Variants in CACNA1E observed in about 807,000 individuals in gnomAD.
CACNA1E encodes the protein voltage-dependent R-type calcium channel subunit alpha-1E.
CACNA1E carries 40 observed loss-of-function variants against 259.2 expected under a neutral mutation model. The ratio of observed to expected loss-of-function variants is 0.15; its 90% confidence interval spans 0.12 to 0.20. CACNA1E has a LOEUF of 0.20. CACNA1E is among the 10% of genes least tolerant of loss of function. CACNA1E has a pLI of 1.00. For missense variants in CACNA1E, 1,874 were observed against 3,040.1 expected, an observed-to-expected ratio of 0.62 and a Z score of 9.02; for synonymous variants, 1,104 against 1,138.5, an observed-to-expected ratio of 0.97 and a Z score of 0.61.
intron 43 of CACNA1E, among the ~76,000 whole-genome samples, chr1:181,789,951 G>A (rs138484198): frequency 1.3e-5 from 2 of 152,308 alleles, no homozygotes; most frequent in East Asian, 3.9e-4. Context: ...GTACAAAGTA[G>A]TCCTTCAATA....
At chr1:181,559,731 G>C (rs1649118433) in intron 3 of CACNA1E, among the ~76,000 whole-genome samples, 1 of 152,190 alleles carries the variant, frequency 6.6e-6, no homozygotes, top group Non-Finnish European at 1.5e-5. Context: ...CAGCAGGCTG[G>C]GTAGGTAGAG....
At chr1:181,460,552 G>T (rs1438352079) in intron 2 of CACNA1E, among the ~76,000 whole-genome samples, 2 of 152,182 alleles carry the variant, frequency 1.3e-5, no homozygotes, top group African/African-American at 2.4e-5. Context: ...AACATAGAGA[G>T]ACTTCAGCTG....
At chr1:181,323,325 G>T (rs565288611) in intron 1 of CACNA1E, among the ~76,000 whole-genome samples, 1 of 152,080 alleles carries the variant, frequency 6.6e-6, no homozygotes, top group East Asian at 1.9e-4. Flanking sequence ...ATTCTCTGAC[G>T]CTGGCATAGT....
chr1:181,341,806 A>T (rs1652175259), intron 1 of CACNA1E, among the ~76,000 whole-genome samples: 2 of 152,212 alleles, frequency 1.3e-5, no homozygotes, highest in Non-Finnish European at 2.9e-5. Flanking sequence ...TTTTCCTGGG[A>T]ATTCATTTAT....
At chr1:181,463,897 A>G (rs1464642950) in intron 2 of CACNA1E, among the ~76,000 whole-genome samples, 1 of 152,128 alleles carries the variant, frequency 6.6e-6, no homozygotes, top group African/African-American at 2.4e-5. Context: ...AAAAGAAGTC[A>G]TTTATATTTT....
At chr1:181,727,468 C>T (rs961097537) in intron 18 of CACNA1E, among the ~76,000 whole-genome samples, 6 of 152,220 alleles carry the variant, frequency 3.9e-5, no homozygotes, top group African/African-American at 1.4e-4. Context: ...CTTACAAGAG[C>T]CATTTTCGTG....
intron 6 of CACNA1E, among the ~76,000 whole-genome samples, chr1:181,593,409 T>C (rs1421631083): frequency 4.6e-5 from 7 of 152,228 alleles, no homozygotes; most frequent in Non-Finnish European, 1.0e-4. Flanking sequence ...TATTTATATT[T>C]TGTACATATT....
chr1:181,505,062 TTCC>T (rs1257335657), intron 1 of CACNA1E, among the ~76,000 whole-genome samples: 1 of 152,102 alleles, frequency 6.6e-6, no homozygotes, highest in African/African-American at 2.4e-5. Flanking sequence ...TCATGGTCAT[TTCC>T]TCATTTTGGC....
intron 2 of CACNA1E, among the ~76,000 whole-genome samples, chr1:181,449,797 T>C (rs867322548): frequency 6.6e-6 from 1 of 152,196 alleles, no homozygotes; most frequent in Admixed American, 6.5e-5. Flanking sequence ...ATTTTGGATA[T>C]TCAAAGACAA....
intron 18 of CACNA1E, among the ~76,000 whole-genome samples, chr1:181,730,567 C>T (rs1294302299): frequency 6.6e-6 from 1 of 152,248 alleles, no homozygotes; most frequent in Non-Finnish European, 1.5e-5. Flanking sequence ...CTCTGCGTTG[C>T]TCAAAGGCAG....
At chr1:181,396,151 A>T (rs1656668071) in intron 1 of CACNA1E, among the ~76,000 whole-genome samples, 1 of 152,210 alleles carries the variant, frequency 6.6e-6, no homozygotes, top group Admixed American at 6.5e-5. Context: ...TGGCCTCATG[A>T]CATAGCATCT....
intron 3 of CACNA1E, among the ~76,000 whole-genome samples, chr1:181,542,792 T>C (rs1387874474): frequency 6.6e-6 from 1 of 151,594 alleles, no homozygotes; most frequent in Non-Finnish European, 1.5e-5. Flanking sequence ...TTTTAATTTC[T>C]TGATTTATGG....
chr1:181,659,066 G>A (rs1049443085), intron 7 of CACNA1E, among the ~76,000 whole-genome samples: 15 of 152,018 alleles, frequency 9.9e-5, no homozygotes, highest in African/African-American at 3.6e-4. Flanking sequence ...GAAACCTAGG[G>A]AGCAGGTTTC....
chr1:181,683,367 T>C (rs1326963183), intron 7 of CACNA1E, among the ~76,000 whole-genome samples: 3 of 152,226 alleles, frequency 2.0e-5, no homozygotes, highest in African/African-American at 7.2e-5. Context: ...TTTTTCAGTC[T>C]CCTGCAGCAT....
intron 1 of CACNA1E, among the ~76,000 whole-genome samples, chr1:181,374,462 GA>G (rs5779098): frequency 0.39 from 58,173 of 149,382 alleles, 11,410 homozygotes; most frequent in Admixed American, 0.46. Flanking sequence ...TATCCCAAAA[GA>G]AAAAAAAAAT....
Position 181,579,073 on chromosome 1 carries a change from C to A in CACNA1E, c.618C>A (p.Ser206Arg). The A allele has an allele frequency of 6.2e-7, 1 of 1,606,844 alleles. No individual in the cohort carries two copies. The highest frequency in any genetic ancestry group is 2.2e-5 in the East Asian group (1 of 44,814). Residue 206 changes from serine (S) to arginine (R), a missense_variant and splice_region_variant, in exon 5 of 48, where the codon AGC (serine) becomes AGA (arginine). Physicochemically the swap from Ser to Arg is moderately radical, Grantham distance 110 (BLOSUM62 -1). This residue lies in a region of CACNA1E where 55 missense variants were observed against 156.5 expected (regional missense o/e 0.35). Transcript: ENST00000367573. ...GTCATTCTCTGTCCTTCCTTCTAGG[C>A]CTGCAGATTGTGTTGAAGTCCATCA... ...RPLKLVSGIP[S>R]LQIVLKSIMK...
At position 181,806,791 on chromosome 1, in the gene CACNA1E, G is replaced by A. The variant is rs889699233; in HGVS notation, c.*7957G>A. 2 of 152,128 alleles carry A rather than the reference G, an allele frequency of 1.3e-5. No homozygotes were observed. Among genetic ancestry groups the A allele is most frequent in the African/African-American group, 4.8e-5 (2 of 41,434 alleles). 9.4% of individuals were successfully genotyped at this position (152,128 alleles called of 1,614,324 possible). On this transcript the variant is annotated 3_prime_UTR_variant, in exon 48 of 48. Coordinates refer to ENST00000367573, the MANE Select transcript of CACNA1E (RefSeq NM_001205293.3). The stretch of plus-strand genomic sequence containing the variant: ...AAAACCTTGTTGTAAAGAATGCATC[G>A]GCCTGATTTCCCTCACTTGATGTGT...
chr1:181,727,059 T>G (rs920849809), intron 18 of CACNA1E, among the ~76,000 whole-genome samples: 4 of 152,184 alleles, frequency 2.6e-5, no homozygotes, highest in Admixed American at 2.0e-4. Flanking sequence ...TAAAGTTCAT[T>G]TTGAGATACT....
Position 181,551,400 on chromosome 1 carries a change from G to A in CACNA1E, c.513-26366G>A, listed in dbSNP as rs529964038. Among the ~76,000 whole-genome samples, 16 of 152,326 alleles carry A rather than the reference G, an allele frequency of 1.1e-4. No homozygotes were observed. In the South Asian group the frequency reaches 3.3e-3, roughly 32 times the overall value. On this transcript the variant is annotated intron_variant, in intron 3 of 47. Transcript: ENST00000367573. ...GATGCAGCGTTTGGCCTGTGCAGCT[G>A]AGGTCCTCAATGCAGGCTGCTTGGA...
Sources: allele counts gnomAD v4.1 joint callset (sites outside exome capture counted in the v4.1 genomes callset), GRCh38; gene constraint gnomAD v4.1.1; regional missense constraint gnomAD v4.1.1; transcripts MANE v1.5; gene names NCBI Gene and HGNC (gene_info 2026-07-23, HGNC 2026-07-21).